SYT1: variants seen among roughly 807,000 people sequenced by gnomAD.
The protein encoded by SYT1 is synaptotagmin-1.
SYT1 carries 8 observed loss-of-function variants against 44.8 expected under a neutral mutation model. That is an observed-to-expected ratio of 0.18 (90% CI 0.10 to 0.32). SYT1 has a LOEUF of 0.32. SYT1 is among the 10% of genes least tolerant of loss of function. The probability of loss-of-function intolerance (pLI) is 1.00; values close to 1 mark genes in which losing one functional copy is unlikely to be tolerated. For missense variants in SYT1, 286 were observed against 509.3 expected (o/e 0.56, Z 4.22); for synonymous variants, 154 against 188.8 (o/e 0.82, Z 1.51).
intron 9 of SYT1, among the ~76,000 whole-genome samples, chr12:79,356,710 A>G (rs977818558): frequency 2.0e-5 from 3 of 152,220 alleles, no homozygotes; most frequent in African/African-American, 7.2e-5. Flanking sequence ...GCAATTTGAC[A>G]TTGCACAAGT....
chr12:78,865,562 TA>T (rs1873491688), intron 1 of SYT1, among the ~76,000 whole-genome samples: 1 of 21,532 alleles, frequency 4.6e-5, no homozygotes, highest in South Asian at 2.2e-3. Context: ...GGGAGAGGGA[TA>T]TGGGGGGGGG....
At chr12:78,919,593 T>C (rs1876867420) in intron 1 of SYT1, among the ~76,000 whole-genome samples, 1 of 152,106 alleles carries the variant, frequency 6.6e-6, no homozygotes, top group Non-Finnish European at 1.5e-5. Context: ...CCATTTCCCA[T>C]GGCATATGCC....
chr12:79,251,995 G>GATAGATAGATAA (rs890984570), intron 4 of SYT1, among the ~76,000 whole-genome samples: 1,888 of 151,832 alleles, frequency 0.012, 24 homozygotes, highest in Middle Eastern at 0.068. Context: ...TAGATAGATA[G>GATAGATAGATAA]ATAGATAGAT....
chr12:78,867,947 T>A (rs1189205232), intron 1 of SYT1, among the ~76,000 whole-genome samples: 1 of 151,934 alleles, frequency 6.6e-6, no homozygotes, highest in Non-Finnish European at 1.5e-5. Context: ...AATCTGAAAG[T>A]TAATTTGAAC....
chr12:79,341,586 G>C (rs182662131), intron 8 of SYT1, among the ~76,000 whole-genome samples: 112 of 151,696 alleles, frequency 7.4e-4, no homozygotes, highest in African/African-American at 2.5e-3. Flanking sequence ...AGGAAGAAGA[G>C]CGTGGACTTT....
At chr12:79,404,283 C>T (rs973337022) in intron 9 of SYT1, among the ~76,000 whole-genome samples, 3 of 152,114 alleles carry the variant, frequency 2.0e-5, no homozygotes, top group African/African-American at 4.8e-5. Context: ...TAATAAAATT[C>T]ATTCTACCCT....
At chr12:79,047,572 C>T (rs1490313127) in intron 3 of SYT1, among the ~76,000 whole-genome samples, 1 of 151,768 alleles carries the variant, frequency 6.6e-6, no homozygotes, top group African/African-American at 2.4e-5. Flanking sequence ...CGTTGTGATA[C>T]ATTTATGGGG....
chr12:79,336,573 A>G (rs1882099360), intron 8 of SYT1, among the ~76,000 whole-genome samples: 1 of 152,076 alleles, frequency 6.6e-6, no homozygotes, highest in Non-Finnish European at 1.5e-5. Context: ...ATGGCAAGCT[A>G]GAGCCAAAAG....
At chr12:79,262,482 C>A (rs1472890817) in intron 4 of SYT1, among the ~76,000 whole-genome samples, 3 of 152,102 alleles carry the variant, frequency 2.0e-5, no homozygotes, top group Admixed American at 2.0e-4. Context: ...GCCCCTTGTC[C>A]AACTCTATAA....
chr12:78,887,805 A>G (rs1874829993), intron 1 of SYT1, among the ~76,000 whole-genome samples: 1 of 151,998 alleles, frequency 6.6e-6, no homozygotes, highest in African/African-American at 2.4e-5. Context: ...ATATAATTTC[A>G]ATATCTAGCC....
At chr12:79,333,359 C>T (rs1176535068) in intron 8 of SYT1, among the ~76,000 whole-genome samples, 4 of 152,112 alleles carry the variant, frequency 2.6e-5, no homozygotes, top group Admixed American at 1.3e-4. Context: ...GAAGACTCAG[C>T]CCTCATCACC....
rs373868682 is a variant in SYT1, at chr12:79,214,469, G to A, written c.-17-3034G>A. Reference sequence around the variant, plus strand: ...ATTTTCTAAATGTTGACCCTGTTTAGCAAAAGTCTTATTGTTCCTATAGTC... The same window carrying A: ...ATTTTCTAAATGTTGACCCTGTTTAACAAAAGTCTTATTGTTCCTATAGTC... On this transcript the variant is annotated intron_variant, in intron 3 of 10. Coordinates refer to ENST00000261205, the MANE Select transcript of SYT1 (RefSeq NM_005639.3). 3.3e-5 allele frequency among the ~76,000 whole-genome samples: 5 copies of A among 152,094 alleles called. No individual in the cohort carries two copies. In the East Asian group the frequency reaches 5.8e-4, roughly 18 times the overall value.
At chr12:78,878,810 T>G (rs1431077333) in intron 1 of SYT1, among the ~76,000 whole-genome samples, 2 of 151,818 alleles carry the variant, frequency 1.3e-5, no homozygotes, top group East Asian at 3.9e-4. Flanking sequence ...GATCAGAGTG[T>G]TTGGAGAGTA....
chr12:79,396,809 A>G (rs1322964891), intron 9 of SYT1, among the ~76,000 whole-genome samples: 2 of 152,196 alleles, frequency 1.3e-5, no homozygotes, highest in East Asian at 1.9e-4. Flanking sequence ...TTAACATGAT[A>G]TTTTCCCTTC....
At chr12:79,308,629 A>G (rs1565901565) in intron 8 of SYT1, among the ~76,000 whole-genome samples, 1 of 69,784 alleles carries the variant, frequency 1.4e-5, no homozygotes, top group Non-Finnish European at 2.6e-5. Flanking sequence ...AGAAAGAAAG[A>G]AAGAAAGAAA....
At chr12:79,282,323 C>T (rs1310618482) in intron 4 of SYT1, among the ~76,000 whole-genome samples, 2 of 152,030 alleles carry the variant, frequency 1.3e-5, no homozygotes, top group African/African-American at 4.8e-5. Context: ...AATTAATTTG[C>T]CTTGTACTTA....
chr12:79,436,526 G>A (rs1870102730), intron 9 of SYT1, among the ~76,000 whole-genome samples: 1 of 152,140 alleles, frequency 6.6e-6, no homozygotes, highest in African/African-American at 2.4e-5. Flanking sequence ...CAGGCATCTT[G>A]CATTATTTGG....
intron 3 of SYT1, among the ~76,000 whole-genome samples, chr12:79,156,824 C>T (rs1207533299): frequency 6.6e-6 from 1 of 152,100 alleles, no homozygotes; most frequent in Non-Finnish European, 1.5e-5. Flanking sequence ...TTTAACACAA[C>T]TTAAAGGTTC....
At chr12:79,339,468 C>T (rs11113798) in intron 8 of SYT1, among the ~76,000 whole-genome samples, 12,203 of 152,220 alleles carry the variant, frequency 0.08, 1,168 homozygotes, top group African/African-American at 0.23. Context: ...TAAATGTCTT[C>T]TTTTGAAAAG....
Sources: gnomAD v4.1 joint callset for allele counts (sites outside exome capture counted in the v4.1 genomes callset) on GRCh38, gnomAD v4.1.1 for gene constraint, MANE v1.5 for transcripts, NCBI Gene and HGNC (gene_info 2026-07-23, HGNC 2026-07-21) for gene names.